Variants in TDRD7 observed in about 807,000 individuals in gnomAD.
TDRD7 encodes the protein tudor domain-containing protein 7.
A neutral mutation model predicts 109.8 loss-of-function variants in TDRD7; 47 were observed. The observed-to-expected ratio is 0.43, with a 90% CI of 0.34 to 0.55. The LOEUF (loss-of-function observed/expected upper bound fraction) is 0.55, where lower values mean the gene tolerates loss of function less well. Ranked by LOEUF, TDRD7 falls within the 20% of genes least tolerant of loss-of-function variation. TDRD7 has a pLI of 0.03. For synonymous variants in TDRD7, 424 were observed against 457.3 expected, an observed-to-expected ratio of 0.93 and a Z score of 0.93; for missense variants, 1,164 against 1,319.2, an observed-to-expected ratio of 0.88 and a Z score of 1.82.
At chr9:97,423,550 T>C (rs1827932927) in intron 1 of TDRD7, among the ~76,000 whole-genome samples, 1 of 152,044 alleles carries the variant, frequency 6.6e-6, no homozygotes, top group South Asian at 2.1e-4. Flanking sequence ...TCACCTTTAT[T>C]TCCTTTCTTC....
At position 97,461,140 on chromosome 9, in the gene TDRD7, C is replaced by CAA. The variant is rs753213087; in HGVS notation, c.1442+389_1442+390dup. The stretch of plus-strand genomic sequence containing the variant: ...TGGGCGAAAGAGCAAGACTCCATCT[C>CAA]AAAAAAAAAAAAAAGGATAACATAT... On this transcript the variant is annotated intron_variant, in intron 7 of 16. Coordinates refer to ENST00000355295, the MANE Select transcript of TDRD7 (RefSeq NM_014290.3). Among the ~76,000 whole-genome samples the CAA allele has an allele frequency of 0.012, 1,053 of 89,018 alleles. 33 individuals carry two copies. In the East Asian group the frequency reaches 0.15, roughly 12 times the overall value. 58.4% of individuals were successfully genotyped at this position (89,018 alleles called of 152,430 possible). A position where few individuals can be genotyped will look rare whatever the true frequency, so the allele number is the denominator to read the frequency against.
chr9:97,412,926 G>A lies in TDRD7; in HGVS notation c.-7+688G>A, dbSNP rs1827743971. ...TCAGCTTGCTAGGAGGGAGCTTGGAGCCGGCATATCTTTCTGCTCCCATTC... is the reference window on the plus strand; with the variant it reads ...TCAGCTTGCTAGGAGGGAGCTTGGAACCGGCATATCTTTCTGCTCCCATTC... On this transcript the variant is annotated intron_variant, in intron 1 of 16. Transcript: ENST00000355295. This position sits in a 1 kb window ranked among gnomAD's most constrained non-coding sequence, Gnocchi z 4.3. 6.6e-6 allele frequency among the ~76,000 whole-genome samples: 1 copy of A among 152,186 alleles called. No homozygotes were observed. Among genetic ancestry groups the A allele is most frequent in the Non-Finnish European group, 1.5e-5 (1 of 68,040 alleles).
chr9:97,487,413 C>T, intron 16 of TDRD7, 81 bp downstream of exon 16: 1 of 1,584,286 alleles, frequency 6.3e-7, no homozygotes, highest in South Asian at 1.1e-5. Flanking sequence ...AGTACTGAAT[C>T]ATTGGCCTCT....
At chr9:97,417,417 A>G (rs1218814336) in intron 1 of TDRD7, among the ~76,000 whole-genome samples, 1 of 152,190 alleles carries the variant, frequency 6.6e-6, no homozygotes, top group Non-Finnish European at 1.5e-5. Context: ...TAGGAGGTGA[A>G]GTGGAAGCAG....
intron 6 of TDRD7, among the ~76,000 whole-genome samples, chr9:97,442,507 A>G (rs182583102): frequency 6.6e-6 from 1 of 152,234 alleles, no homozygotes; most frequent in Admixed American, 6.5e-5. Flanking sequence ...TAAAGATCTT[A>G]GTTCAGCCAG....
At chr9:97,423,645 G>T (rs1300447742) in intron 1 of TDRD7, among the ~76,000 whole-genome samples, 1 of 151,994 alleles carries the variant, frequency 6.6e-6, no homozygotes, top group Non-Finnish European at 1.5e-5. Context: ...CTTTCTAACA[G>T]AAACATAATG....
At chr9:97,424,057 T>G (rs1827944764) in intron 1 of TDRD7, among the ~76,000 whole-genome samples, 1 of 138,048 alleles carries the variant, frequency 7.2e-6, no homozygotes, top group African/African-American at 2.7e-5. Flanking sequence ...TTCTTTTTTT[T>G]TTTTTTTTTT....
At chr9:97,434,200 C>A (rs1284805523) in intron 4 of TDRD7, among the ~76,000 whole-genome samples, 1 of 152,116 alleles carries the variant, frequency 6.6e-6, no homozygotes, top group African/African-American at 2.4e-5. Context: ...AGGAGGAAAT[C>A]CTGTCATTTG....
chr9:97,478,663 A>G (rs1278101618), intron 13 of TDRD7, 90 bp downstream of exon 13: 2 of 1,571,972 alleles, frequency 1.3e-6, no homozygotes. Flanking sequence ...TTTTGATCTC[A>G]TTAATTTTTA....
chr9:97,431,903 G>A (rs1013851916), intron 3 of TDRD7, 122 bp from the exon 4 acceptor site: 81 of 910,372 alleles, frequency 8.9e-5, no homozygotes, highest in South Asian at 6.4e-4. Flanking sequence ...CAACCTCCTC[G>A]TGTTCTTACA....
intron 6 of TDRD7, among the ~76,000 whole-genome samples, chr9:97,455,219 G>A (rs1339441321): frequency 6.6e-6 from 1 of 152,100 alleles, no homozygotes; most frequent in Non-Finnish European, 1.5e-5. Flanking sequence ...GGGCCCAGGT[G>A]GATTCACAGC....
chr9:97,455,023 T>C (rs1828579676), intron 6 of TDRD7, among the ~76,000 whole-genome samples: 1 of 152,096 alleles, frequency 6.6e-6, no homozygotes, highest in African/African-American at 2.4e-5. Context: ...AAATACAGAC[T>C]ACCATCAGAG....
At chr9:97,444,855 T>C (rs1418778251) in intron 6 of TDRD7, among the ~76,000 whole-genome samples, 1 of 152,200 alleles carries the variant, frequency 6.6e-6, no homozygotes, top group Non-Finnish European at 1.5e-5. Context: ...ATGCACAGCA[T>C]CAGCTTTAGG....
intron 14 of TDRD7, among the ~76,000 whole-genome samples, chr9:97,482,000 T>C (rs572031171): frequency 6.6e-6 from 1 of 152,300 alleles, no homozygotes; most frequent in Admixed American, 6.5e-5. Context: ...TGGTAAAAGA[T>C]AAATGTGGCT....
chr9:97,414,357 G>A (rs990307590), intron 1 of TDRD7, among the ~76,000 whole-genome samples: 5 of 152,204 alleles, frequency 3.3e-5, no homozygotes, highest in African/African-American at 1.2e-4. Context: ...AGTAAGCTTG[G>A]CATTTTAGCC....
At position 97,421,115 on chromosome 9, in the gene TDRD7, A is replaced by G. The variant is rs951937567; in HGVS notation, c.-6-7345A>G. On this transcript the variant is annotated intron_variant, in intron 1 of 16. Transcript: ENST00000355295. ...GGGCTACTGCACTCCAGCCTGGGCCACAGAGCTGGACTCTGTCTCAAAAAA... is the reference window on the plus strand; with the variant it reads ...GGGCTACTGCACTCCAGCCTGGGCCGCAGAGCTGGACTCTGTCTCAAAAAA... Among the ~76,000 whole-genome samples the G allele has an allele frequency of 9.9e-5, 15 of 150,904 alleles. No individual in the cohort carries two copies. The South Asian group carries it at 1.1e-3, about 11-fold the overall frequency.
At chr9:97,419,432 TG>T (rs1191446259) in intron 1 of TDRD7, among the ~76,000 whole-genome samples, 1 of 152,268 alleles carries the variant, frequency 6.6e-6, no homozygotes, top group Non-Finnish European at 1.5e-5. Context: ...CTTTGACTCA[TG>T]AGTCATGAAC....
Position 97,464,896 on chromosome 9 carries a change from G to A in TDRD7, c.1497G>A (p.Lys499=). 1 of 1,614,188 alleles carries A rather than the reference G, an allele frequency of 6.2e-7. No individual in the cohort carries two copies. The highest frequency in any genetic ancestry group is 1.1e-5 in the South Asian group (1 of 91,084). The part of the protein sequence containing the change: ...AAQELMEDEM[K]EYYSKNPKIT... Reference sequence around the variant, plus strand: ...AGGAATTAATGGAAGATGAGATGAAGGAATATTACAGTAAGAATCCTAAGA... The same window carrying A: ...AGGAATTAATGGAAGATGAGATGAAAGAATATTACAGTAAGAATCCTAAGA... The change falls in exon 8 of 17, where the codon AAG becomes AAA. Residue 499 remains lysine (K), a synonymous_variant. Transcript: ENST00000355295.
In TDRD7 at chr9:97,483,287, G is replaced by A. The variant is rs1320576752; in HGVS notation, c.2851G>A (p.Val951Met). 10 of 1,613,974 alleles carry A rather than the reference G, an allele frequency of 6.2e-6. No homozygotes were observed. Among genetic ancestry groups the A allele is most frequent in the East Asian group, 4.5e-5 (2 of 44,900 alleles). ...LMEEMILYYS[V>M]SEERHIAVEK... ...GGAAGAGATGATTCTATATTACAGCGTGTCTGAAGAGCGCCACATAGCAGT... is the reference window on the plus strand; with the variant it reads ...GGAAGAGATGATTCTATATTACAGCATGTCTGAAGAGCGCCACATAGCAGT... Residue 951 changes from valine to methionine, a missense_variant, in exon 15 of 17, where the codon GTG (valine) becomes ATG (methionine). Around this residue, in one of 5 missense-constraint regions of TDRD7, gnomAD observed 162 missense variants for 222.5 expected, o/e 0.73. Coordinates refer to ENST00000355295, the MANE Select transcript of TDRD7 (RefSeq NM_014290.3).
Sources: gnomAD v4.1 joint callset for allele counts (sites outside exome capture counted in the v4.1 genomes callset) on GRCh38, gnomAD v4.1.1 for gene constraint, gnomAD v4.1.1 regional missense constraint, Gnocchi (gnomAD v3.1) non-coding constraint, MANE v1.5 for transcripts, NCBI Gene and HGNC (gene_info 2026-07-23, HGNC 2026-07-21) for gene names.